Variants in SRCIN1 observed in about 807,000 individuals in gnomAD.
SRCIN1 encodes P130Cas-associated protein.
A neutral mutation model predicts 116.2 loss-of-function variants in SRCIN1; 50 were observed. That is an observed-to-expected ratio of 0.43 (90% CI 0.34 to 0.54). The LOEUF is 0.54. Among genes scored for constraint, SRCIN1 ranks in the 20% least tolerant of loss-of-function variants. The pLI is 0.02. For synonymous variants in SRCIN1, 736 were observed against 750.0 expected (o/e 0.98, Z 0.30); for missense variants, 1,446 against 1,672.0 (o/e 0.86, Z 2.36).
At chr17:38,594,277 T>G (rs1457705727) in intron 1 of SRCIN1, among the ~76,000 whole-genome samples, 1 of 152,208 alleles carries the variant, frequency 6.6e-6, no homozygotes, top group Non-Finnish European at 1.5e-5. Context: ...AGGGGAGCAG[T>G]GTCGTTGCTC....
chr17:38,540,755 GTGT>G (rs1904683290), intron 18 of SRCIN1, among the ~76,000 whole-genome samples: 1 of 151,340 alleles, frequency 6.6e-6, no homozygotes, highest in Non-Finnish European at 1.5e-5. Context: ...GTGTGTGTGT[GTGT>G]GTGTGTGTGT....
rs2040901466 is a variant in SRCIN1 at position 38,530,279 on chromosome 17, GGC to G, written c.*3016_*3017del. On this transcript the variant is annotated 3_prime_UTR_variant, in exon 19 of 19. Transcript: ENST00000617146. Reference sequence around the variant, plus strand: ...TGGATGGGGCAGGGTGTGGAGCCGGGGCTCACCCCGGGGGGCCCCCTGGGGAC... The same window carrying G: ...TGGATGGGGCAGGGTGTGGAGCCGGGTCACCCCGGGGGGCCCCCTGGGGAC... 2.6e-5 allele frequency: 4 copies of G among 152,150 alleles called. No individual in the cohort carries two copies. Among genetic ancestry groups the G allele is most frequent in the Non-Finnish European group, 4.4e-5 (3 of 68,034 alleles). 9.4% of individuals were successfully genotyped at this position (152,150 alleles called of 1,614,324 possible).
intron 1 of SRCIN1, among the ~76,000 whole-genome samples, chr17:38,579,798 C>A (rs1460316740): frequency 6.6e-6 from 1 of 152,236 alleles, no homozygotes; most frequent in Non-Finnish European, 1.5e-5. Context: ...CCCGCACTCT[C>A]CAGCTTCAGT....
Position 38,562,345 on chromosome 17 carries a change from C to A in SRCIN1, c.835-17G>T. The A allele has an allele frequency of 7.0e-7, 1 of 1,431,290 alleles. No individual in the cohort carries two copies. Among genetic ancestry groups the A allele is most frequent in the Non-Finnish European group, 9.0e-7 (1 of 1,105,324 alleles). The allele number at this position is 1,431,290 out of a possible 1,614,324, so 88.7% of individuals were successfully genotyped here. A position where few individuals can be genotyped will look rare whatever the true frequency, so the allele number is the denominator to read the frequency against. ...CATCTCTCTCTGCGCAGAAGACAGC[C>A]CGGAACCCCACGGGGCTGGTCACCA... On this transcript the variant is annotated splice_polypyrimidine_tract_variant and intron_variant, in intron 6 of 18. Coordinates refer to ENST00000617146, the MANE Select transcript of SRCIN1 (RefSeq NM_025248.3). This position sits in a 1 kb window ranked among gnomAD's most constrained non-coding sequence, Gnocchi z 4.2.
At chr17:38,546,221 G>A (rs1057290803) in intron 17 of SRCIN1, among the ~76,000 whole-genome samples, 7 of 152,222 alleles carry the variant, frequency 4.6e-5, no homozygotes, top group African/African-American at 1.7e-4. Context: ...CACCTTCAGT[G>A]CCTACCTTAA....
At chr17:38,590,934 G>A (rs956964083) in intron 1 of SRCIN1, among the ~76,000 whole-genome samples, 15 of 152,156 alleles carry the variant, frequency 9.9e-5, no homozygotes, top group African/African-American at 3.4e-4. Flanking sequence ...AATCTTGGGC[G>A]CCATCCACCC....
chr17:38,603,250 C>A (rs113712854), intron 1 of SRCIN1, among the ~76,000 whole-genome samples: 1 of 151,856 alleles, frequency 6.6e-6, no homozygotes, highest in Non-Finnish European at 1.5e-5. Context: ...CGCGAGAGTG[C>A]ATCAGAGAGG....
intron 1 of SRCIN1, among the ~76,000 whole-genome samples, chr17:38,584,535 C>T (rs1406609943): frequency 1.3e-5 from 2 of 152,052 alleles, no homozygotes; most frequent in Non-Finnish European, 2.9e-5. Flanking sequence ...GGGCGCCCCC[C>T]AGTGGCCGGC....
In SRCIN1 at chr17:38,578,586, G is replaced by A; in HGVS notation, c.228C>T (p.Ala76=). 1 of 1,611,980 alleles carries A rather than the reference G, an allele frequency of 6.2e-7. No individual in the cohort carries two copies. Among genetic ancestry groups the A allele is most frequent in the Non-Finnish European group, 8.5e-7 (1 of 1,178,928 alleles). ...EALSGLQKAD[A]DRKRDAFMDH... is the part of the protein sequence containing the mutation. Reference sequence around the variant, plus strand: ...CCATGAAGGCATCACGCTTGCGGTCGGCGTCCGCCTTCTGGAGCCCGCTGA... The same window carrying A: ...CCATGAAGGCATCACGCTTGCGGTCAGCGTCCGCCTTCTGGAGCCCGCTGA... Residue 76 remains alanine, a synonymous_variant, in exon 2 of 19, where the codon GCC becomes GCT. Coordinates refer to ENST00000617146, the MANE Select transcript of SRCIN1 (RefSeq NM_025248.3).
chr17:38,590,065 A>G (rs1237400791), intron 1 of SRCIN1, among the ~76,000 whole-genome samples: 1 of 152,194 alleles, frequency 6.6e-6, no homozygotes, highest in East Asian at 1.9e-4. Flanking sequence ...GCATCTGGGA[A>G]TGTGGAGCAC....
At chr17:38,576,561 T>A (rs1907429057) in intron 2 of SRCIN1, among the ~76,000 whole-genome samples, 1 of 152,192 alleles carries the variant, frequency 6.6e-6, no homozygotes, top group Admixed American at 6.5e-5. Context: ...CGTGCTCAAC[T>A]CTTCTCCTGA....
chr17:38,601,582 A>G (rs2143467660), intron 1 of SRCIN1, among the ~76,000 whole-genome samples: 1 of 152,104 alleles, frequency 6.6e-6, no homozygotes, highest in African/African-American at 2.4e-5. Context: ...TGTCAGGGCA[A>G]GGTGCCTGCT....
In SRCIN1 at chr17:38,604,668, G is replaced by GCGGAGGCACCTC; in HGVS notation, c.22+1015_22+1016insGAGGTGCCTCCG. 2.6e-6 allele frequency: 1 copy of GCGGAGGCACCTC among 380,206 alleles called. No individual in the cohort carries two copies. The highest frequency in any genetic ancestry group is 5.2e-6 in the Non-Finnish European group (1 of 191,292). 23.6% of individuals were successfully genotyped at this position (380,206 alleles called of 1,614,324 possible). On this transcript the variant is annotated intron_variant, in intron 1 of 18. Coordinates refer to ENST00000617146, the MANE Select transcript of SRCIN1 (RefSeq NM_025248.3). The surrounding 1 kb of genome is among the most constrained non-coding windows in gnomAD (Gnocchi z 4.3). ...CACGCCCCGCCGGGCCCTGACAGCT[G>GCGGAGGCACCTC]AGCTGCGGAGGCACCCGGCCTGTCC...
chr17:38,540,395 C>G (rs1488582146), intron 18 of SRCIN1, among the ~76,000 whole-genome samples: 2 of 152,122 alleles, frequency 1.3e-5, no homozygotes, highest in African/African-American at 4.8e-5. Context: ...GCCTTGGGCA[C>G]CGCCCCCCCA....
At chr17:38,597,313 G>A (rs1174877590) in intron 1 of SRCIN1, among the ~76,000 whole-genome samples, 1 of 152,198 alleles carries the variant, frequency 6.6e-6, no homozygotes, top group African/African-American at 2.4e-5. Context: ...AGCCCTAAGT[G>A]GCAGCTCCAG....
At chr17:38,551,117 C>G (rs563897914) in intron 15 of SRCIN1, 38 bp downstream of exon 15, 24 of 895,144 alleles carry the variant, frequency 2.7e-5, no homozygotes, top group Middle Eastern at 6.5e-4. Context: ...GGCACTCCCC[C>G]ACGCTGGGCT....
intron 18 of SRCIN1, 27 bp downstream of exon 18, chr17:38,543,796 G>C (rs1223444291): frequency 1.3e-6 from 2 of 1,598,640 alleles, no homozygotes; most frequent in Non-Finnish European, 1.7e-6. Context: ...AGTGGGCCTG[G>C]GTGGCCCCCA....
Position 38,578,666 on chromosome 17 carries a change from C to G in SRCIN1, c.148G>C (p.Val50Leu). 1.3e-6 allele frequency: 2 copies of G among 1,569,524 alleles called. No individual in the cohort carries two copies. Among genetic ancestry groups the G allele is most frequent in the Non-Finnish European group, 1.7e-6 (2 of 1,158,924 alleles). ...GGRRFSNVGL[V>L]HTSERRHTVI... The stretch of plus-strand genomic sequence containing the variant: ...GTGTGCCGCCGCTCGGACGTGTGCA[C>G]CAGCCCCACGTTGGAGAAGCGCCGG... Residue 50 changes from valine (V) to leucine (L), a missense_variant, in exon 2 of 19, where the codon GTG becomes CTG. Coordinates refer to ENST00000617146, the MANE Select transcript of SRCIN1 (RefSeq NM_025248.3).
In SRCIN1 at chr17:38,558,429, CG is replaced by C. The variant is rs1567862561; in HGVS notation, c.2026-28del. 28 of 1,566,878 alleles carry C rather than the reference CG, an allele frequency of 1.8e-5. No individual in the cohort carries two copies. In the East Asian group the frequency reaches 6.1e-4, roughly 34 times the overall value. ...TGCGGGACGCACGGACGGATGGACC[CG>C]GGTGGGGGGAGCGGAGCCGCGAGGC... On this transcript the variant is annotated intron_variant, in intron 10 of 18. Coordinates refer to ENST00000617146, the MANE Select transcript of SRCIN1 (RefSeq NM_025248.3). This position sits in a 1 kb window ranked among gnomAD's most constrained non-coding sequence, Gnocchi z 4.6.
Sources: gnomAD v4.1 joint callset for allele counts (sites outside exome capture counted in the v4.1 genomes callset) on GRCh38, gnomAD v4.1.1 for gene constraint, Gnocchi (gnomAD v3.1) non-coding constraint, MANE v1.5 for transcripts, NCBI Gene and HGNC (gene_info 2026-07-23, HGNC 2026-07-21) for gene names.